CDH1: variants seen among roughly 807,000 people sequenced by gnomAD.
The protein encoded by CDH1 is cadherin 1.
CDH1 carries 35 observed loss-of-function variants against 84.5 expected under a neutral mutation model. The observed-to-expected ratio is 0.41, with a 90% confidence interval of 0.32 to 0.55. CDH1 has a LOEUF of 0.55. Ranked by LOEUF, CDH1 falls within the 20% of genes least tolerant of loss-of-function variation. The pLI, the probability that CDH1 is intolerant of heterozygous loss-of-function variation, is 0.19. For missense variants in CDH1, 994 were observed against 1,126.6 expected (o/e 0.88, Z 1.68); for synonymous variants, 417 against 439.0 (o/e 0.95, Z 0.63).
rs897835719 is a variant in CDH1 at position 68,833,554 on chromosome 16, G to A, written c.*55G>A. 5.7e-6 allele frequency: 8 copies of A among 1,415,122 alleles called. No homozygotes were observed. Among genetic ancestry groups the A allele is most frequent in the Non-Finnish European group, 8.0e-6 (8 of 1,001,206 alleles). 87.7% of individuals were successfully genotyped at this position (1,415,122 alleles called of 1,614,324 possible). A position where few individuals can be genotyped will look rare whatever the true frequency, so the allele number is the denominator to read the frequency against. On this transcript the variant is annotated 3_prime_UTR_variant, in exon 16 of 16. Coordinates refer to ENST00000261769, the MANE Select transcript of CDH1 (RefSeq NM_004360.5). Reference sequence around the variant, plus strand: ...ATGTGCTGGGAAATGCAGAAATCACGTTGCTGGTGGTTTTTCAGCTCCCTT... The same window carrying A: ...ATGTGCTGGGAAATGCAGAAATCACATTGCTGGTGGTTTTTCAGCTCCCTT...
intron 2 of CDH1, among the ~76,000 whole-genome samples, chr16:68,742,095 G>A (rs979291838): frequency 9.2e-5 from 14 of 152,180 alleles, no homozygotes; most frequent in Non-Finnish European, 1.6e-4. Context: ...ACAGCTGTAA[G>A]TTGACTCAGG....
chr16:68,808,600 G>A lies in CDH1; in HGVS notation c.531+33G>A, dbSNP rs569191864. On this transcript the variant is annotated intron_variant, in intron 4 of 15. Transcript: ENST00000261769. Reference sequence around the variant, plus strand: ...AAGAAGTTCTCTGTTTCTCTGGGAGGGATTTGGCAGAGAAGTACCAAGGAG... The same window carrying A: ...AAGAAGTTCTCTGTTTCTCTGGGAGAGATTTGGCAGAGAAGTACCAAGGAG... 10 of 1,613,776 alleles carry A rather than the reference G, an allele frequency of 6.2e-6. No individual in the cohort carries two copies. The highest frequency in any genetic ancestry group is 4.0e-5 in the African/African-American group (3 of 75,004).
intron 2 of CDH1, among the ~76,000 whole-genome samples, chr16:68,800,543 GTAAGA>G (rs1460503387): frequency 8.5e-5 from 13 of 152,218 alleles, no homozygotes; most frequent in African/African-American, 3.1e-4. Flanking sequence ...GTCTAGCCTT[GTAAGA>G]TAGGACGGCA....
intron 2 of CDH1, among the ~76,000 whole-genome samples, chr16:68,769,690 G>A (rs1487255878): frequency 6.6e-6 from 1 of 151,892 alleles, no homozygotes. Context: ...CACTTTGGGA[G>A]GCCAAGGTGG....
intron 2 of CDH1, among the ~76,000 whole-genome samples, chr16:68,755,671 T>G (rs1235229688): frequency 2.6e-5 from 4 of 152,090 alleles, no homozygotes; most frequent in Non-Finnish European, 5.9e-5. Context: ...GGTATCAGAT[T>G]CAAACCAGGA....
intron 2 of CDH1, among the ~76,000 whole-genome samples, chr16:68,776,720 C>A (rs1025168617): frequency 6.6e-6 from 1 of 152,120 alleles, no homozygotes; most frequent in Non-Finnish European, 1.5e-5. Context: ...TGCATCACAT[C>A]TACTTTTAAA....
chr16:68,792,551 C>A (rs887393277), intron 2 of CDH1, among the ~76,000 whole-genome samples: 13 of 152,146 alleles, frequency 8.5e-5, no homozygotes, highest in Admixed American at 1.3e-4. Context: ...ATTCCAGAAG[C>A]GCCATTCATG....
At chr16:68,781,955 AG>A (rs985976104) in intron 2 of CDH1, among the ~76,000 whole-genome samples, 1 of 152,140 alleles carries the variant, frequency 6.6e-6, no homozygotes. Context: ...GGCCTCAAGG[AG>A]GGGGTCAGAA....
At chr16:68,757,802 C>CT (rs946591509) in intron 2 of CDH1, among the ~76,000 whole-genome samples, 14 of 140,674 alleles carry the variant, frequency 1.0e-4, no homozygotes, top group Middle Eastern at 3.4e-3. Flanking sequence ...TTCTTTCTTT[C>CT]TTTTTTTTGA....
At position 68,808,410 on chromosome 16, in the gene CDH1, T is replaced by G. The variant is rs769151434; in HGVS notation, c.388-14T>G. 1.1e-5 allele frequency: 18 copies of G among 1,614,166 alleles called. No homozygotes were observed. Among genetic ancestry groups the G allele is most frequent in the Middle Eastern group, 1.6e-4 (1 of 6,062 alleles). On this transcript the variant is annotated splice_polypyrimidine_tract_variant and intron_variant, in intron 3 of 15. Coordinates refer to ENST00000261769, the MANE Select transcript of CDH1 (RefSeq NM_004360.5). Reference sequence around the variant, plus strand: ...GAATTGTCTTATCTTGTTCCTCATCTTCTTTCCTTTTAGGCCTCCGTTTCT... The same window carrying G: ...GAATTGTCTTATCTTGTTCCTCATCGTCTTTCCTTTTAGGCCTCCGTTTCT...
At chr16:68,796,799 CA>C (rs1304022187) in intron 2 of CDH1, among the ~76,000 whole-genome samples, 1 of 151,962 alleles carries the variant, frequency 6.6e-6, no homozygotes, top group Non-Finnish European at 1.5e-5. Flanking sequence ...TGTAACAGGC[CA>C]AGTAATACAA....
chr16:68,833,196 A>C, intron 15 of CDH1, 94 bp from the exon 16 acceptor site: 1 of 1,068,502 alleles, frequency 9.4e-7, no homozygotes, highest in Non-Finnish European at 1.5e-6. Context: ...GTCTGGGTGC[A>C]TTGTCGTACC....
At position 68,832,090 on chromosome 16, in the gene CDH1, T is replaced by A. The variant is rs143760857; in HGVS notation, c.2440-1200T>A. On this transcript the variant is annotated intron_variant, in intron 15 of 15. Transcript: ENST00000261769. ...TATGTGGGAGCTGAATGATGAGAAC[T>A]CATGGACACAAAGAAGAGAACAACA... Among the ~76,000 whole-genome samples, 859 of 152,086 alleles carry A rather than the reference T, an allele frequency of 5.6e-3. 7 individuals carry two copies. The highest frequency in any genetic ancestry group is 0.016 in the South Asian group (78 of 4,820).
chr16:68,763,074 A>G (rs549224226), intron 2 of CDH1, among the ~76,000 whole-genome samples: 49 of 152,236 alleles, frequency 3.2e-4, no homozygotes, highest in Non-Finnish European at 6.5e-4. Flanking sequence ...TCAATTGTAA[A>G]AAGTAGCTTA....
intron 2 of CDH1, among the ~76,000 whole-genome samples, chr16:68,755,368 A>T (rs550773015): frequency 6.6e-6 from 1 of 151,844 alleles, no homozygotes; most frequent in Non-Finnish European, 1.5e-5. Context: ...CATGTCATTG[A>T]AAAAGACTGT....
chr16:68,737,374 C>T lies in CDH1; in HGVS notation c.-42C>T, dbSNP rs1353238426. 5 of 1,519,664 alleles carry T rather than the reference C, an allele frequency of 3.3e-6. No homozygotes were observed. Among genetic ancestry groups the T allele is most frequent in the African/African-American group, 1.4e-5 (1 of 71,644 alleles). 94.1% of individuals were successfully genotyped at this position (1,519,664 alleles called of 1,614,324 possible). On this transcript the variant is annotated 5_prime_UTR_variant, in exon 1 of 16. Transcript: ENST00000261769. ...CCCGCTCCAGCCCGGCCCGACCCGA[C>T]CGCACCCGGCGCCTGCCCTCGCTCG...
At chr16:68,807,948 T>C (rs1960708626) in intron 3 of CDH1, among the ~76,000 whole-genome samples, 3 of 152,136 alleles carry the variant, frequency 2.0e-5, no homozygotes, top group African/African-American at 7.2e-5. Context: ...GGTGCACACC[T>C]GTAGTCCCAG....
At chr16:68,791,692 G>T (rs1960213594) in intron 2 of CDH1, among the ~76,000 whole-genome samples, 1 of 152,132 alleles carries the variant, frequency 6.6e-6, no homozygotes, top group South Asian at 2.1e-4. Context: ...AAAGTGCTGG[G>T]ATTACAGGCA....
In CDH1 at chr16:68,827,838, G is replaced by A. The variant is rs34998376; in HGVS notation, c.2165-336G>A. On this transcript the variant is annotated intron_variant, in intron 13 of 15. Transcript: ENST00000261769. ...ACCTTCCCTCCATCACACCAAACAT[G>A]CTCCTCCTGCCTCAGGACCTCTGTC... is the stretch of plus-strand genomic sequence containing the variant. 3.0e-3 allele frequency among the ~76,000 whole-genome samples: 459 copies of A among 152,082 alleles called. 3 individuals are homozygous for A. Among genetic ancestry groups the A allele is most frequent in the African/African-American group, 0.011 (448 of 41,462 alleles).
Sources: allele counts gnomAD v4.1 joint callset (sites outside exome capture counted in the v4.1 genomes callset), GRCh38; gene constraint gnomAD v4.1.1; transcripts MANE v1.5; gene names NCBI Gene and HGNC (gene_info 2026-07-23, HGNC 2026-07-21).